Variants in GPHN observed in about 807,000 individuals in gnomAD.
The protein encoded by GPHN is gephyrin.
GPHN carries 17 observed loss-of-function variants against 95.5 expected under a neutral mutation model. The observed-to-expected ratio is 0.18, with a 90% CI of 0.12 to 0.27. GPHN has a LOEUF of 0.27. Ranked by LOEUF, GPHN falls within the 10% of genes least tolerant of loss-of-function variation. The probability of loss-of-function intolerance (pLI) is 1.00; values close to 1 mark genes in which losing one functional copy is unlikely to be tolerated. For synonymous variants in GPHN, 320 were observed against 322.5 expected, an observed-to-expected ratio of 0.99 and a Z score of 0.08; for missense variants, 660 against 978.1, an observed-to-expected ratio of 0.67 and a Z score of 4.34.
the GPHN span, among the ~76,000 whole-genome samples, chr14:67,426,270 G>A: frequency 1.3e-5 from 2 of 152,178 alleles, no homozygotes; most frequent in Non-Finnish European, 2.9e-5. Context: ...TCTGGGCTGA[G>A]TTGGGTAGTT....
the GPHN span, among the ~76,000 whole-genome samples, chr14:67,706,630 G>C: frequency 6.6e-6 from 1 of 152,318 alleles, no homozygotes; most frequent in African/African-American, 2.4e-5. Context: ...AATCAGATAC[G>C]CATTTATCTT....
the GPHN span, among the ~76,000 whole-genome samples, chr14:67,408,291 T>C: frequency 1.0e-5 from 1 of 95,872 alleles, no homozygotes; most frequent in Non-Finnish European, 2.0e-5. Context: ...GGTCTCAAAA[T>C]AAATAAATAA....
chr14:67,199,790 C>A, the GPHN span: 1 of 1,525,012 alleles, frequency 6.6e-7, no homozygotes, highest in Non-Finnish European at 8.9e-7. Context: ...TGGCTCCTTC[C>A]CACCCCCAGT....
chr14:66,904,266 G>A (rs111409816), intron 5 of GPHN, among the ~76,000 whole-genome samples: 4,126 of 152,148 alleles, frequency 0.027, 80 homozygotes, highest in Non-Finnish European at 0.038. Context: ...GGGGAATCAA[G>A]CAGGTTGCCC....
chr14:67,279,634 G>A, the GPHN span: 1 of 1,211,426 alleles, frequency 8.3e-7, no homozygotes, highest in East Asian at 2.5e-5. Flanking sequence ...GAGAATGTAA[G>A]TAATGACAGT....
At chr14:66,641,822 G>T (rs1010912261) in intron 1 of GPHN, among the ~76,000 whole-genome samples, 11 of 152,104 alleles carry the variant, frequency 7.2e-5, no homozygotes, top group African/African-American at 2.4e-4. Flanking sequence ...AGATCAATAG[G>T]TATAAAGATT....
chr14:66,622,061 C>T (rs1384132177), intron 1 of GPHN, among the ~76,000 whole-genome samples: 6 of 152,164 alleles, frequency 3.9e-5, no homozygotes, highest in Non-Finnish European at 8.8e-5. Flanking sequence ...TCTTCATGAG[C>T]GCCCCACCCC....
intron 18 of GPHN, among the ~76,000 whole-genome samples, chr14:67,145,763 A>G (rs529354315): frequency 4.6e-5 from 7 of 152,358 alleles, no homozygotes; most frequent in South Asian, 4.1e-4. Flanking sequence ...CAGTTACTAA[A>G]AAGACAGGGA....
At chr14:66,896,483 T>C (rs1399695629) in intron 5 of GPHN, among the ~76,000 whole-genome samples, 1 of 151,846 alleles carries the variant, frequency 6.6e-6, no homozygotes, top group African/African-American at 2.4e-5. Context: ...ACCAGCATGA[T>C]AGCACGTGCC....
chr14:67,004,585 G>A (rs779111157), intron 9 of GPHN, among the ~76,000 whole-genome samples: 2 of 151,710 alleles, frequency 1.3e-5, no homozygotes, highest in South Asian at 2.1e-4. Context: ...TTTACTAATC[G>A]GGTGAAAAAA....
At chr14:67,040,809 G>T (rs1183012800) in intron 10 of GPHN, among the ~76,000 whole-genome samples, 1 of 152,052 alleles carries the variant, frequency 6.6e-6, no homozygotes, top group Non-Finnish European at 1.5e-5. Context: ...CTTTCTCAGT[G>T]CATCTTATCA....
rs188548169 is a variant in GPHN, at chr14:66,885,030, G to A, written c.389+4997G>A. ...CAAAAATGGTTTTATAACTGATATT[G>A]GTTAAAAGAAAAATTTCAGGAAATA... On this transcript the variant is annotated intron_variant, in intron 5 of 22. Coordinates refer to ENST00000478722, the MANE Select transcript of GPHN (RefSeq NM_020806.5). 1.7e-3 allele frequency among the ~76,000 whole-genome samples: 253 copies of A among 151,552 alleles called. 14 individuals carry two copies. The South Asian group carries it at 0.049, about 29-fold the overall frequency.
At chr14:67,200,464 A>T in the GPHN span, 5 of 410,870 alleles carry the variant, frequency 1.2e-5, no homozygotes, top group Non-Finnish European at 2.2e-5. Flanking sequence ...TTTTTAATGT[A>T]ACTTTTTCCA....
At chr14:67,210,948 T>A in the GPHN span, among the ~76,000 whole-genome samples, 1 of 152,070 alleles carries the variant, frequency 6.6e-6, no homozygotes, top group African/African-American at 2.4e-5. Context: ...TGCAGTGAGC[T>A]GAGATTGCAC....
chr14:66,871,800 G>C (rs1278292530), intron 4 of GPHN, among the ~76,000 whole-genome samples: 1 of 151,934 alleles, frequency 6.6e-6, no homozygotes, highest in Non-Finnish European at 1.5e-5. Context: ...GGGGAGGGAG[G>C]GTATTGGGAC....
At chr14:67,576,599 C>T in the GPHN span, 1 of 651,806 alleles carries the variant, frequency 1.5e-6, no homozygotes. The surrounding 1 kb of genome is among the most constrained non-coding windows in gnomAD (Gnocchi z 4.0). Context: ...TACCCTGAAG[C>T]TGTTTTTAAA....
the GPHN span, among the ~76,000 whole-genome samples, chr14:67,511,101 A>C: frequency 6.6e-6 from 1 of 152,182 alleles, no homozygotes; most frequent in Non-Finnish European, 1.5e-5. Flanking sequence ...ATGGAAACGG[A>C]TCATTCCAGA....
chr14:67,261,905 G>A, the GPHN span, among the ~76,000 whole-genome samples: 1 of 152,178 alleles, frequency 6.6e-6, no homozygotes. Context: ...GTCAATTGAA[G>A]GGAAAAGATA....
chr14:67,690,346 G>C, the GPHN span: 14 of 1,614,182 alleles, frequency 8.7e-6, no homozygotes, highest in Non-Finnish European at 1.1e-5. Flanking sequence ...ATGTGCGAGG[G>C]AAGACACATT....
Sources: gnomAD v4.1 joint callset for allele counts (sites outside exome capture counted in the v4.1 genomes callset) on GRCh38, gnomAD v4.1.1 for gene constraint, Gnocchi (gnomAD v3.1) non-coding constraint, MANE v1.5 for transcripts, NCBI Gene and HGNC (gene_info 2026-07-23, HGNC 2026-07-21) for gene names.